Variants in MARCHF11 observed in about 807,000 individuals in gnomAD.
MARCHF11 encodes the protein E3 ubiquitin-protein ligase MARCHF11.
Under a neutral mutation model 37.3 loss-of-function variants are expected in MARCHF11, and 29 were observed. The ratio of observed to expected loss-of-function variants is 0.78; its 90% CI spans 0.58 to 1.06. The LOEUF (loss-of-function observed/expected upper bound fraction) is 1.06, where lower values mean the gene tolerates loss of function less well. MARCHF11 is among the 50% of genes least tolerant of loss of function. The pLI is 0.00. For synonymous variants in MARCHF11, 233 were observed against 228.0 expected (o/e 1.02, Z -0.20); for missense variants, 482 against 533.4 (o/e 0.90, Z 0.95).
chr5:16,102,887 G>A lies in MARCHF11; in HGVS notation c.694-11806C>T, dbSNP rs537013305. Among the ~76,000 whole-genome samples the A allele has an allele frequency of 1.4e-4, 22 of 152,288 alleles. No individual in the cohort carries two copies. The South Asian group carries it at 1.7e-3, about 11-fold the overall frequency. ...CCTGCATGCTCCCCCTCTTGCAAGC[G>A]GTTTGAGCATTGTTGGCTGATTAAG... On this transcript the variant is annotated intron_variant, in intron 2 of 3. Coordinates refer to ENST00000332432, the MANE Select transcript of MARCHF11 (RefSeq NM_001102562.3).
chr5:16,090,185 G>A (rs1007733811), intron 3 of MARCHF11, among the ~76,000 whole-genome samples: 1 of 152,140 alleles, frequency 6.6e-6, no homozygotes, highest in Non-Finnish European at 1.5e-5. Flanking sequence ...GGTCACCATC[G>A]CGATGCCTGT....
chr5:16,115,216 T>TAAACCATTATTAC (rs954048295), intron 2 of MARCHF11, among the ~76,000 whole-genome samples: 4 of 152,224 alleles, frequency 2.6e-5, no homozygotes, highest in African/African-American at 9.6e-5. Flanking sequence ...GAGTCTAATT[T>TAAACCATTATTAC]AAACCATTAT....
At chr5:16,087,190 T>C (rs973310865) in intron 3 of MARCHF11, among the ~76,000 whole-genome samples, 10 of 152,366 alleles carry the variant, frequency 6.6e-5, no homozygotes, top group Middle Eastern at 3.4e-3. Context: ...TTGTAATAAG[T>C]ACAGATTGAA....
intron 2 of MARCHF11, among the ~76,000 whole-genome samples, chr5:16,108,096 T>G (rs985421176): frequency 1.9e-4 from 29 of 152,166 alleles, no homozygotes; most frequent in Non-Finnish European, 2.9e-5. Flanking sequence ...ACTGAGCTGG[T>G]TAAACACTCA....
intron 2 of MARCHF11, among the ~76,000 whole-genome samples, chr5:16,126,924 G>A (rs1027869000): frequency 1.3e-5 from 2 of 152,090 alleles, no homozygotes. Context: ...ATTAAAAATT[G>A]GGGGAATATT....
At chr5:16,177,229 G>A (rs1214369104) in intron 2 of MARCHF11, among the ~76,000 whole-genome samples, 1 of 152,170 alleles carries the variant, frequency 6.6e-6, no homozygotes, top group Admixed American at 6.5e-5. Flanking sequence ...AACATCACAT[G>A]ATAAAGAAAG....
intron 2 of MARCHF11, among the ~76,000 whole-genome samples, chr5:16,128,830 T>C (rs1412743982): frequency 2.0e-5 from 3 of 152,202 alleles, no homozygotes; most frequent in Non-Finnish European, 4.4e-5. Flanking sequence ...GTATTCAATA[T>C]TCAAAAATTT....
chr5:16,092,391 C>T (rs958442501), intron 2 of MARCHF11, among the ~76,000 whole-genome samples: 1 of 152,064 alleles, frequency 6.6e-6, no homozygotes, highest in African/African-American at 2.4e-5. Flanking sequence ...ATAACAGAAC[C>T]GAACAACACT....
chr5:16,114,851 T>C (rs1737204126), intron 2 of MARCHF11, among the ~76,000 whole-genome samples: 2 of 152,054 alleles, frequency 1.3e-5, no homozygotes, highest in South Asian at 4.1e-4. Flanking sequence ...TAGAATGAAA[T>C]ATAGTATAGT....
intron 2 of MARCHF11, among the ~76,000 whole-genome samples, chr5:16,145,854 G>C (rs1020193234): frequency 2.0e-5 from 3 of 152,074 alleles, no homozygotes; most frequent in African/African-American, 7.2e-5. Flanking sequence ...ACTTTCTTAT[G>C]TTTCTAGGTA....
intron 2 of MARCHF11, among the ~76,000 whole-genome samples, chr5:16,112,618 T>C (rs1371647717): frequency 6.6e-6 from 1 of 152,182 alleles, no homozygotes; most frequent in Non-Finnish European, 1.5e-5. Flanking sequence ...CTTTGAACTG[T>C]GGACTTTTGA....
intron 3 of MARCHF11, among the ~76,000 whole-genome samples, chr5:16,080,460 T>A (rs1053343343): frequency 6.6e-6 from 1 of 152,178 alleles, no homozygotes; most frequent in Non-Finnish European, 1.5e-5. Context: ...AGTTCCAACC[T>A]CTAGCCTGAG....
intron 2 of MARCHF11, among the ~76,000 whole-genome samples, chr5:16,099,562 G>A (rs1736923037): frequency 6.6e-6 from 1 of 151,412 alleles, no homozygotes; most frequent in African/African-American, 2.4e-5. Flanking sequence ...GTTAAAATAG[G>A]AGCAAAATAG....
At chr5:16,142,683 TTTTATC>T (rs1400508604) in intron 2 of MARCHF11, among the ~76,000 whole-genome samples, 1 of 137,950 alleles carries the variant, frequency 7.2e-6, no homozygotes. Flanking sequence ...ACTTCTTATA[TTTTATC>T]TTTTTTTTTT....
Position 16,179,607 on chromosome 5 carries a change from G to T in MARCHF11, c.-32C>A. ...GCCGCCGCCGCCCTCCTGCCGGCCC[G>T]GCTGGCGGGCCGGGCTCTGGCTGCA... On this transcript the variant is annotated 5_prime_UTR_variant, in exon 1 of 4. Transcript: ENST00000332432. 2 of 1,151,486 alleles carry T rather than the reference G, an allele frequency of 1.7e-6. No individual in the cohort carries two copies. The highest frequency in any genetic ancestry group is 1.1e-6 in the Non-Finnish European group (1 of 936,804). The allele number at this position is 1,151,486 out of a possible 1,614,324, so 71.3% of individuals were successfully genotyped here.
intron 2 of MARCHF11, among the ~76,000 whole-genome samples, chr5:16,160,119 T>C (rs1738045581): frequency 6.6e-6 from 1 of 151,138 alleles, no homozygotes; most frequent in Non-Finnish European, 1.5e-5. Context: ...GATACATTAA[T>C]CCAAATAAGT....
chr5:16,077,997 A>G (rs938454114), intron 3 of MARCHF11, among the ~76,000 whole-genome samples: 2 of 152,196 alleles, frequency 1.3e-5, no homozygotes, highest in Non-Finnish European at 2.9e-5. Context: ...AAAGGTATTT[A>G]CTCCCTATAC....
chr5:16,118,412 G>A (rs568132660), intron 2 of MARCHF11, among the ~76,000 whole-genome samples: 20 of 152,300 alleles, frequency 1.3e-4, no homozygotes, highest in East Asian at 1.9e-4. Flanking sequence ...TAAGAGGCAG[G>A]GGGGGAATGA....
chr5:16,099,183 T>C (rs1046044600), intron 2 of MARCHF11, among the ~76,000 whole-genome samples: 1 of 152,180 alleles, frequency 6.6e-6, no homozygotes, highest in African/African-American at 2.4e-5. Flanking sequence ...TCAAGGAAGA[T>C]GATCAAATTT....
Sources: allele counts gnomAD v4.1 joint callset (sites outside exome capture counted in the v4.1 genomes callset), GRCh38; gene constraint gnomAD v4.1.1; transcripts MANE v1.5; gene names NCBI Gene and HGNC (gene_info 2026-07-23, HGNC 2026-07-21).